ELMOD1: variants seen among roughly 807,000 people sequenced by gnomAD.
ELMOD1 encodes the protein ELMO domain containing 1, also known as ELMO domain-containing protein 1.
Under a neutral mutation model 46.7 loss-of-function variants are expected in ELMOD1, and 21 were observed. The observed-to-expected ratio is 0.45, with a 90% confidence interval of 0.32 to 0.65. The LOEUF (loss-of-function observed/expected upper bound fraction) is 0.65, where lower values mean the gene tolerates loss of function less well. Among genes scored for constraint, ELMOD1 ranks in the 30% least tolerant of loss-of-function variants. The pLI, the probability that ELMOD1 is intolerant of heterozygous loss-of-function variation, is 0.04. For missense variants in ELMOD1, 348 were observed against 407.8 expected (o/e 0.85, Z 1.26); for synonymous variants, 122 against 138.2 (o/e 0.88, Z 0.82).
chr11:107,657,724 C>T (rs1866659715), intron 11 of ELMOD1, among the ~76,000 whole-genome samples: 1 of 151,952 alleles, frequency 6.6e-6, no homozygotes, highest in African/African-American at 2.4e-5. Flanking sequence ...CTTATTTCCA[C>T]AAAATAAGAG....
intron 11 of ELMOD1, among the ~76,000 whole-genome samples, chr11:107,656,383 A>G (rs1230464028): frequency 1.3e-5 from 2 of 148,524 alleles, no homozygotes; most frequent in Non-Finnish European, 3.0e-5. Context: ...GTGAGACTCC[A>G]TCTCAAAAAA....
intron 2 of ELMOD1, among the ~76,000 whole-genome samples, chr11:107,624,461 G>A (rs1866007627): frequency 6.6e-6 from 1 of 152,032 alleles, no homozygotes; most frequent in East Asian, 1.9e-4. Flanking sequence ...GACCAGCTTG[G>A]GCAACACAGC....
At chr11:107,664,120 T>TTG (rs1223680468) in intron 11 of ELMOD1, among the ~76,000 whole-genome samples, 1 of 152,154 alleles carries the variant, frequency 6.6e-6, no homozygotes, top group East Asian at 1.9e-4. Context: ...CAACTGGGAC[T>TTG]ACAGGCATGT....
intron 2 of ELMOD1, among the ~76,000 whole-genome samples, chr11:107,629,924 T>C (rs537123502): frequency 1.3e-5 from 2 of 151,290 alleles, no homozygotes; most frequent in African/African-American, 4.9e-5. Context: ...GAGGAAAGAA[T>C]GGGAGCAAGG....
chr11:107,646,505 C>T (rs1866428413), intron 6 of ELMOD1, among the ~76,000 whole-genome samples: 1 of 152,072 alleles, frequency 6.6e-6, no homozygotes, highest in Non-Finnish European at 1.5e-5. Context: ...GAGGCCGAGG[C>T]AGGCAGATCA....
intron 2 of ELMOD1, among the ~76,000 whole-genome samples, chr11:107,629,159 G>A (rs79573642): frequency 3.3e-5 from 5 of 152,154 alleles, no homozygotes; most frequent in East Asian, 3.9e-4. Flanking sequence ...CAGACTGTTC[G>A]AGTTTTTATT....
chr11:107,621,312 A>G lies in ELMOD1; in HGVS notation c.17+3106A>G, dbSNP rs552037699. 1.5e-3 allele frequency among the ~76,000 whole-genome samples: 227 copies of G among 152,356 alleles called. 1 individual carries two copies. Among genetic ancestry groups the G allele is most frequent in the Non-Finnish European group, 2.5e-3 (170 of 68,042 alleles). Reference sequence around the variant, plus strand: ...GCTCAAACCTCTGTGGGAGGAACTGAGCAATACAGCAGACTTATCCCATGT... The same window carrying G: ...GCTCAAACCTCTGTGGGAGGAACTGGGCAATACAGCAGACTTATCCCATGT... On this transcript the variant is annotated intron_variant, in intron 2 of 11. Transcript: ENST00000265840.
chr11:107,663,535 C>A (rs1866782248), intron 11 of ELMOD1, among the ~76,000 whole-genome samples: 1 of 151,892 alleles, frequency 6.6e-6, no homozygotes, highest in Non-Finnish European at 1.5e-5. Flanking sequence ...CCCAACCCTC[C>A]TTCTCCTATA....
intron 1 of ELMOD1, among the ~76,000 whole-genome samples, chr11:107,600,221 C>A (rs1207715950): frequency 1.3e-5 from 2 of 152,096 alleles, no homozygotes; most frequent in African/African-American, 4.8e-5. Flanking sequence ...ATAAATACTT[C>A]AGTATGTATC....
At chr11:107,623,658 C>T (rs1392176400) in intron 2 of ELMOD1, 5 of 152,214 alleles carry the variant, frequency 3.3e-5, no homozygotes, top group Admixed American at 3.3e-4. Flanking sequence ...TCCTCTGCCT[C>T]TCCAACACCC....
intron 6 of ELMOD1, among the ~76,000 whole-genome samples, chr11:107,638,713 A>G (rs974267009): frequency 5.3e-5 from 8 of 152,316 alleles, no homozygotes; most frequent in African/African-American, 1.7e-4. Context: ...TTTACAAGTA[A>G]TATTTGCAGT....
chr11:107,629,261 C>T (rs1866096349), intron 2 of ELMOD1, among the ~76,000 whole-genome samples: 1 of 152,148 alleles, frequency 6.6e-6, no homozygotes, highest in Non-Finnish European at 1.5e-5. Context: ...GGATGGATCA[C>T]ATTGTAGAGG....
chr11:107,647,719 A>G (rs1457652851), intron 7 of ELMOD1, 118 bp downstream of exon 7: 1 of 1,036,718 alleles, frequency 9.6e-7, no homozygotes. Context: ...CAAAGAAAAC[A>G]TTCAAGTCCC....
At chr11:107,654,768 C>CAA (rs945140722) in intron 10 of ELMOD1, among the ~76,000 whole-genome samples, 7,219 of 66,730 alleles carry the variant, frequency 0.11, 288 homozygotes, top group South Asian at 0.15. Context: ...GACTCCGTCT[C>CAA]AAAAAAAAAA....
intron 1 of ELMOD1, among the ~76,000 whole-genome samples, chr11:107,614,717 A>G (rs1193162963): frequency 6.6e-6 from 1 of 152,190 alleles, no homozygotes; most frequent in Non-Finnish European, 1.5e-5. Flanking sequence ...ATTGCTCTTC[A>G]GATAAGGTTC....
chr11:107,628,411 C>A (rs1310078698), intron 2 of ELMOD1, among the ~76,000 whole-genome samples: 1 of 152,074 alleles, frequency 6.6e-6, no homozygotes, highest in South Asian at 2.1e-4. Context: ...TTGATCCACC[C>A]GCCTCAGCCT....
intron 2 of ELMOD1, among the ~76,000 whole-genome samples, chr11:107,622,767 C>T (rs1256360431): frequency 6.6e-6 from 1 of 152,134 alleles, no homozygotes; most frequent in Non-Finnish European, 1.5e-5. Flanking sequence ...ATTGACTGAG[C>T]TTGTGAGATA....
At chr11:107,659,726 A>G (rs1387280838) in intron 11 of ELMOD1, among the ~76,000 whole-genome samples, 1 of 151,580 alleles carries the variant, frequency 6.6e-6, no homozygotes, top group Admixed American at 6.6e-5. Flanking sequence ...ATACTGGCTG[A>G]TGTTTTTTGC....
At chr11:107,598,288 A>G (rs1042319952) in intron 1 of ELMOD1, among the ~76,000 whole-genome samples, 6 of 152,142 alleles carry the variant, frequency 3.9e-5, no homozygotes, top group Non-Finnish European at 7.4e-5. Context: ...CAAGGGCAAG[A>G]AAAGACTAAT....
Sources: allele counts gnomAD v4.1 joint callset (sites outside exome capture counted in the v4.1 genomes callset), GRCh38; gene constraint gnomAD v4.1.1; transcripts MANE v1.5; gene names NCBI Gene and HGNC (gene_info 2026-07-23, HGNC 2026-07-21).